CACNA2D3: variants seen among roughly 807,000 people sequenced by gnomAD.
CACNA2D3 encodes the protein voltage-dependent calcium channel subunit alpha-2/delta-3.
Under a neutral mutation model 160.6 loss-of-function variants are expected in CACNA2D3, and 60 were observed. The observed-to-expected ratio is 0.37, with a 90% CI of 0.30 to 0.46. The LOEUF (loss-of-function observed/expected upper bound fraction) is 0.46. Ranked by LOEUF, CACNA2D3 falls within the 20% of genes least tolerant of loss-of-function variation. The pLI, the probability that CACNA2D3 is intolerant of heterozygous loss-of-function variation, is 1.00. For synonymous variants in CACNA2D3, 558 were observed against 492.9 expected (o/e 1.13, Z -1.75); for missense variants, 1,205 against 1,365.0 (o/e 0.88, Z 1.85).
intron 4 of CACNA2D3, among the ~76,000 whole-genome samples, chr3:54,455,028 T>C (rs1237336852): frequency 6.6e-6 from 1 of 152,230 alleles, no homozygotes; most frequent in Non-Finnish European, 1.5e-5. Flanking sequence ...CTATCTTGGC[T>C]ATTGCGAATA....
chr3:54,291,826 A>G (rs1342260698), intron 2 of CACNA2D3, among the ~76,000 whole-genome samples: 1 of 152,142 alleles, frequency 6.6e-6, no homozygotes, highest in African/African-American at 2.4e-5. Flanking sequence ...ACATTGATTC[A>G]CTCATTCATT....
chr3:54,164,659 G>A (rs1700416297), intron 2 of CACNA2D3, among the ~76,000 whole-genome samples: 2 of 152,150 alleles, frequency 1.3e-5, no homozygotes, highest in South Asian at 2.1e-4. Context: ...ATCCCTTAGA[G>A]ACCTTCGGAG....
At chr3:54,246,980 C>T (rs1184249238) in intron 2 of CACNA2D3, among the ~76,000 whole-genome samples, 3 of 152,144 alleles carry the variant, frequency 2.0e-5, no homozygotes, top group East Asian at 3.9e-4. Flanking sequence ...ATCTCTACAT[C>T]AGCACAACAA....
chr3:54,183,278 A>G lies in CACNA2D3; in HGVS notation c.204+59684A>G, dbSNP rs894271275. Among the ~76,000 whole-genome samples the G allele has an allele frequency of 6.1e-5, 9 of 148,520 alleles. No individual in the cohort carries two copies. The East Asian group carries it at 1.2e-3, about 19-fold the overall frequency. On this transcript the variant is annotated intron_variant, in intron 2 of 37. Transcript: ENST00000474759. ...AAATGCAGAGAGACTTCAAAATTCC[A>G]TAGTAGTTTGCACCTAATTCTGGTT... is the stretch of plus-strand genomic sequence containing the variant.
At chr3:54,383,661 A>C (rs1452606351) in intron 3 of CACNA2D3, among the ~76,000 whole-genome samples, 1 of 152,330 alleles carries the variant, frequency 6.6e-6, no homozygotes, top group Non-Finnish European at 1.5e-5. Context: ...TCCAGAGATT[A>C]GCAAGGATGA....
chr3:54,608,028 G>C (rs545555499), intron 9 of CACNA2D3, among the ~76,000 whole-genome samples: 1 of 152,290 alleles, frequency 6.6e-6, no homozygotes, highest in South Asian at 2.1e-4. Flanking sequence ...GGGCGATAAA[G>C]GGTTATTGCA....
Position 54,763,359 on chromosome 3 carries a change from A to G in CACNA2D3, c.1247-859A>G, listed in dbSNP as rs143030983. Among the ~76,000 whole-genome samples, 456 of 152,216 alleles carry G rather than the reference A, an allele frequency of 3.0e-3. 2 individuals are homozygous for G. Among genetic ancestry groups the G allele is most frequent in the African/African-American group, 0.01 (434 of 41,552 alleles). On this transcript the variant is annotated intron_variant, in intron 12 of 37. Coordinates refer to ENST00000474759, the MANE Select transcript of CACNA2D3 (RefSeq NM_018398.3). ...CTTTAAAATGGGCACAGTCATCTGC[A>G]CTTAAATATGTTGTCACAAAGAAAA...
intron 3 of CACNA2D3, among the ~76,000 whole-genome samples, chr3:54,376,600 A>G (rs760770431): frequency 2.0e-5 from 3 of 152,104 alleles, no homozygotes; most frequent in Non-Finnish European, 4.4e-5. Flanking sequence ...CACATTATCT[A>G]GTTATTTGCC....
intron 11 of CACNA2D3, among the ~76,000 whole-genome samples, chr3:54,742,560 G>A (rs1046953507): frequency 2.6e-5 from 4 of 152,170 alleles, no homozygotes; most frequent in Admixed American, 6.5e-5. Context: ...GTGCCAACTT[G>A]TCCACCCACT....
At chr3:54,191,447 G>C (rs1700982365) in intron 2 of CACNA2D3, among the ~76,000 whole-genome samples, 1 of 145,514 alleles carries the variant, frequency 6.9e-6, no homozygotes, top group African/African-American at 2.5e-5. Flanking sequence ...ATCTAATTTA[G>C]TGTTTTCAGT....
chr3:54,574,735 G>A (rs189414037), intron 8 of CACNA2D3, among the ~76,000 whole-genome samples: 1 of 152,176 alleles, frequency 6.6e-6, no homozygotes, highest in Non-Finnish European at 1.5e-5. Context: ...AATTCTGTCC[G>A]ATGTTGAAAT....
At chr3:54,290,501 C>T (rs908989848) in intron 2 of CACNA2D3, among the ~76,000 whole-genome samples, 12 of 151,856 alleles carry the variant, frequency 7.9e-5, no homozygotes, top group South Asian at 2.1e-4. Flanking sequence ...GTCAGTGTGG[C>T]GATTCCTCAG....
intron 27 of CACNA2D3, among the ~76,000 whole-genome samples, chr3:54,945,968 G>C (rs568734688): frequency 2.0e-4 from 31 of 152,330 alleles, no homozygotes; most frequent in African/African-American, 7.5e-4. Context: ...CTCTTCACAA[G>C]AGTTCTTTGC....
chr3:54,810,901 G>A (rs1703290329), intron 13 of CACNA2D3, among the ~76,000 whole-genome samples: 1 of 152,060 alleles, frequency 6.6e-6, no homozygotes, highest in African/African-American at 2.4e-5. Context: ...TTTTCTTTTT[G>A]AAATACCTTT....
chr3:55,065,690 A>AGGGAAGGAGAGGAGAGGAGAGGTGGG, intron 35 of CACNA2D3, among the ~76,000 whole-genome samples: 1 of 146,802 alleles, frequency 6.8e-6, no homozygotes, highest in African/African-American at 2.5e-5. Context: ...GAGGAGGGAG[A>AGGGAAGGAGAGGAGAGGAGAGGTGGG]GGGAAGGAGA....
intron 3 of CACNA2D3, among the ~76,000 whole-genome samples, chr3:54,366,487 A>G (rs1698829748): frequency 6.6e-6 from 1 of 152,206 alleles, no homozygotes; most frequent in Admixed American, 6.5e-5. Flanking sequence ...TGTAAAATAC[A>G]TTTTTCCTCT....
chr3:54,790,856 A>G (rs998878452), intron 13 of CACNA2D3, among the ~76,000 whole-genome samples: 3 of 152,058 alleles, frequency 2.0e-5, no homozygotes, highest in Non-Finnish European at 4.4e-5. Flanking sequence ...GGCTGTCACT[A>G]TTGCTAGGCA....
chr3:54,880,956 C>T (rs778176284), intron 21 of CACNA2D3, 93 bp downstream of exon 21: 183 of 1,040,434 alleles, frequency 1.8e-4, no homozygotes, highest in Non-Finnish European at 2.5e-4. Flanking sequence ...TTCATCTGTC[C>T]GCACCTGTGA....
At chr3:54,751,616 T>C (rs547960267) in intron 11 of CACNA2D3, among the ~76,000 whole-genome samples, 40 of 152,294 alleles carry the variant, frequency 2.6e-4, no homozygotes, top group African/African-American at 9.6e-4. Flanking sequence ...CACAAAATGC[T>C]AGCTAACCAC....
Sources: allele counts gnomAD v4.1 joint callset (sites outside exome capture counted in the v4.1 genomes callset), GRCh38; gene constraint gnomAD v4.1.1; transcripts MANE v1.5; gene names NCBI Gene and HGNC (gene_info 2026-07-23, HGNC 2026-07-21).